The following TAOK3 variants were observed in gnomAD, a reference collection of about 807,000 sequenced individuals.
TAOK3 encodes serine/threonine-protein kinase TAO3.
A neutral mutation model predicts 120.4 loss-of-function variants in TAOK3; 40 were observed. The observed-to-expected ratio is 0.33, with a 90% CI of 0.26 to 0.43. TAOK3 has a LOEUF of 0.43. Among genes scored for constraint, TAOK3 ranks in the 20% least tolerant of loss-of-function variants. The pLI, the probability that TAOK3 is intolerant of heterozygous loss-of-function variation, is 1.00. For missense variants in TAOK3, 821 were observed against 1,112.1 expected (o/e 0.74, Z 3.72); for synonymous variants, 355 against 387.5 (o/e 0.92, Z 0.99).
At chr12:118,322,865 A>G (rs2043779623) in intron 1 of TAOK3, among the ~76,000 whole-genome samples, 1 of 151,612 alleles carries the variant, frequency 6.6e-6, no homozygotes, top group African/African-American at 2.4e-5. Context: ...AGCTGGGATT[A>G]CAGGTGTGCA....
At chr12:118,259,208 A>C (rs1331076264) in intron 2 of TAOK3, among the ~76,000 whole-genome samples, 2 of 152,174 alleles carry the variant, frequency 1.3e-5, no homozygotes, top group Admixed American at 6.5e-5. Flanking sequence ...GCCAAGATGG[A>C]GTAACAGGGG....
In TAOK3 at chr12:118,183,901, A is replaced by G. The variant is rs115405936; in HGVS notation, c.1330-2294T>C. On this transcript the variant is annotated intron_variant, in intron 14 of 20. Transcript: ENST00000392533. ...ATAAGCATTGGCTTACAGCCAATAA[A>G]ATATTCTCAGGATGGTCATTTCCCT... Among the ~76,000 whole-genome samples the G allele has an allele frequency of 6.2e-3, 939 of 152,360 alleles. 10 individuals carry two copies. The highest frequency in any genetic ancestry group is 0.022 in the African/African-American group (905 of 41,592).
chr12:118,280,138 T>C (rs1331343204), intron 1 of TAOK3, among the ~76,000 whole-genome samples: 1 of 150,564 alleles, frequency 6.6e-6, no homozygotes, highest in Non-Finnish European at 1.5e-5. Context: ...CTTAGCTCAC[T>C]GCAACCTCCG....
At chr12:118,352,848 T>G (rs1363251776) in intron 1 of TAOK3, among the ~76,000 whole-genome samples, 1 of 152,066 alleles carries the variant, frequency 6.6e-6, no homozygotes, top group Admixed American at 6.6e-5. Flanking sequence ...GTAGCTGGGA[T>G]TACAGGTGTG....
chr12:118,239,695 G>A (rs1210421123), intron 5 of TAOK3, among the ~76,000 whole-genome samples: 1 of 152,152 alleles, frequency 6.6e-6, no homozygotes, highest in African/African-American at 2.4e-5. Context: ...AAATAAACCA[G>A]TAAGTAGTAA....
intron 9 of TAOK3, among the ~76,000 whole-genome samples, chr12:118,223,751 C>T (rs1348189808): frequency 2.6e-5 from 4 of 151,166 alleles, no homozygotes; most frequent in Non-Finnish European, 5.9e-5. Flanking sequence ...TCAAGCAATT[C>T]CCATGCATCA....
chr12:118,234,062 A>G (rs963280663), intron 8 of TAOK3, among the ~76,000 whole-genome samples: 1 of 152,076 alleles, frequency 6.6e-6, no homozygotes. Flanking sequence ...TAAAATGGAG[A>G]TAATTCTCAT....
chr12:118,166,827 TACACAC>T (rs769244693), intron 17 of TAOK3, among the ~76,000 whole-genome samples: 2 of 146,620 alleles, frequency 1.4e-5, no homozygotes, highest in South Asian at 2.1e-4. Flanking sequence ...TATATATATA[TACACAC>T]ACACACACAC....
At chr12:118,170,749 C>A (rs951751786) in intron 17 of TAOK3, among the ~76,000 whole-genome samples, 3 of 152,080 alleles carry the variant, frequency 2.0e-5, no homozygotes, top group Admixed American at 6.6e-5. Context: ...GGCAACAGAG[C>A]GAGACTCTGT....
At chr12:118,308,927 T>C (rs1358652197) in intron 1 of TAOK3, among the ~76,000 whole-genome samples, 7 of 77,200 alleles carry the variant, frequency 9.1e-5, no homozygotes, top group Non-Finnish European at 1.6e-4. Flanking sequence ...CGAAACTCTG[T>C]CTCCAAAAAA....
At chr12:118,362,370 T>C (rs2045625302) in intron 1 of TAOK3, among the ~76,000 whole-genome samples, 3 of 142,756 alleles carry the variant, frequency 2.1e-5, no homozygotes, top group South Asian at 4.5e-4. Flanking sequence ...AATCTCACAA[T>C]GTTTTAAGAA....
At chr12:118,213,046 A>C in intron 10 of TAOK3, 51 bp from the exon 11 acceptor site, 1 of 1,185,542 alleles carries the variant, frequency 8.4e-7, no homozygotes, top group Non-Finnish European at 1.2e-6. Flanking sequence ...TGTAGAGCAC[A>C]CTGATTACTT....
chr12:118,294,647 G>A (rs1391125896), intron 1 of TAOK3, among the ~76,000 whole-genome samples: 1 of 152,090 alleles, frequency 6.6e-6, no homozygotes, highest in Non-Finnish European at 1.5e-5. Context: ...GCCTCCCAAA[G>A]TGTTGGGATT....
chr12:118,314,284 C>A (rs1418457807), intron 1 of TAOK3, among the ~76,000 whole-genome samples: 1 of 152,150 alleles, frequency 6.6e-6, no homozygotes, highest in Non-Finnish European at 1.5e-5. Flanking sequence ...GGTTTGTCCA[C>A]AAAGGGTTTG....
chr12:118,364,666 G>C (rs1188792653), intron 1 of TAOK3, among the ~76,000 whole-genome samples: 2 of 152,092 alleles, frequency 1.3e-5, no homozygotes, highest in African/African-American at 2.4e-5. Flanking sequence ...CCAGCACTTC[G>C]AGAGGCCAAG....
chr12:118,227,263 AATT>A (rs1449122309), intron 9 of TAOK3, among the ~76,000 whole-genome samples: 1 of 146,252 alleles, frequency 6.8e-6, no homozygotes, highest in Non-Finnish European at 1.5e-5. Flanking sequence ...TATAATATAA[AATT>A]ATGTTATAAT....
Position 118,227,036 on chromosome 12 carries a change from A to G in TAOK3, c.643+6638T>C, listed in dbSNP as rs112540973. Among the ~76,000 whole-genome samples, 958 of 152,116 alleles carry G rather than the reference A, an allele frequency of 6.3e-3. 3 individuals carry two copies. The highest frequency in any genetic ancestry group is 0.021 in the African/African-American group (892 of 41,552). ...AAGAAGATTGGAAAGGGAAGAATCC[A>G]TGTCAAATTTCGGAAAGATTTTGGT... On this transcript the variant is annotated intron_variant, in intron 9 of 20. Coordinates refer to ENST00000392533, the MANE Select transcript of TAOK3 (RefSeq NM_016281.4).
chr12:118,174,892 C>A (rs1041078227), intron 16 of TAOK3, among the ~76,000 whole-genome samples: 2 of 152,060 alleles, frequency 1.3e-5, no homozygotes, highest in African/African-American at 4.8e-5. Flanking sequence ...GAACTCCTGA[C>A]CTCAGTTGAT....
rs780071682 is a variant in TAOK3, at chr12:118,166,903, T to C, written c.1900-4876A>G. ...GCCCTGGAGGGAGTGTGGGATAAGA[T>C]ACATGCAGCTTCCTTTCCCTCGGTC... On this transcript the variant is annotated intron_variant, in intron 17 of 20. Coordinates refer to ENST00000392533, the MANE Select transcript of TAOK3 (RefSeq NM_016281.4). Among the ~76,000 whole-genome samples, 4 of 151,174 alleles carry C rather than the reference T, an allele frequency of 2.6e-5. No individual in the cohort carries two copies. The South Asian group carries it at 8.4e-4, about 32-fold the overall frequency.
Sources: gnomAD v4.1 joint callset for allele counts (sites outside exome capture counted in the v4.1 genomes callset) on GRCh38, gnomAD v4.1.1 for gene constraint, MANE v1.5 for transcripts, NCBI Gene and HGNC (gene_info 2026-07-23, HGNC 2026-07-21) for gene names.